Variants in DPH6 observed in about 807,000 individuals in gnomAD.
DPH6 encodes the protein diphthine--ammonia ligase.
DPH6 carries 33 observed loss-of-function variants against 38.2 expected under a neutral mutation model. The ratio of observed to expected loss-of-function variants is 0.86; its 90% confidence interval spans 0.65 to 1.15. The LOEUF (loss-of-function observed/expected upper bound fraction) is 1.15. DPH6 is among the 50% of genes most tolerant of loss of function. DPH6 has a pLI of 0.00. For synonymous variants in DPH6, 108 were observed against 103.0 expected, an observed-to-expected ratio of 1.05 and a Z score of -0.30; for missense variants, 325 against 320.0, an observed-to-expected ratio of 1.02 and a Z score of -0.12.
At chr15:35,152,563 G>A in the DPH6 span, among the ~76,000 whole-genome samples, 1 of 151,992 alleles carries the variant, frequency 6.6e-6, no homozygotes, top group South Asian at 2.1e-4. Flanking sequence ...GCAATAGTGC[G>A]ATCTCCGTTC....
chr15:35,401,096 C>A lies in DPH6; in HGVS notation c.567+9739G>T. On this transcript the variant is annotated intron_variant, in intron 6 of 8. Coordinates refer to ENST00000256538, the MANE Select transcript of DPH6 (RefSeq NM_080650.4). ...GAAAAATTGAAGAAAAGGGGCTTTG[C>A]CTTTGTAACCTTTGATGACCATGAC... is the stretch of plus-strand genomic sequence containing the variant. 6.7e-6 allele frequency: 6 copies of A among 897,006 alleles called. No homozygotes were observed. In the South Asian group the frequency reaches 7.8e-5, roughly 12 times the overall value. 55.6% of individuals were successfully genotyped at this position (897,006 alleles called of 1,614,324 possible). A position where few individuals can be genotyped will look rare whatever the true frequency, so the allele number is the denominator to read the frequency against.
chr15:35,237,132 T>C lies in DPH6; in HGVS notation n.201-16550A>G, dbSNP rs567982326. 4.4e-5 allele frequency: 26 copies of C among 587,598 alleles called. No homozygotes were observed. In the East Asian group the frequency reaches 6.3e-4, roughly 14 times the overall value. The allele number at this position is 587,598 out of a possible 1,614,324, so 36.4% of individuals were successfully genotyped here. On this transcript the variant is annotated intron_variant and non_coding_transcript_variant, in intron 3 of 3. Transcript: ENST00000560386. ...TACAATTTTACTTGATGGTAATCTTTACAAAAACCTCTCCCAGTTTCCTTA... is the reference window on the plus strand; with the variant it reads ...TACAATTTTACTTGATGGTAATCTTCACAAAAACCTCTCCCAGTTTCCTTA...
rs573146814 is a variant in DPH6 at position 35,262,562 on chromosome 15, T to C, written n.201-41980A>G. ...TCTACTAAAAATACAAAAAATTAGC[T>C]GGGCGTGGTGGCGGGCGCCTGTAGT... On this transcript the variant is annotated intron_variant and non_coding_transcript_variant, in intron 3 of 3. Transcript: ENST00000560386. Among the ~76,000 whole-genome samples the C allele has an allele frequency of 4.5e-4, 68 of 151,984 alleles. No homozygotes were observed. In the South Asian group the frequency reaches 5.8e-3, roughly 13 times the overall value.
At chr15:35,301,298 T>C (rs2052053113) in intron 3 of DPH6, among the ~76,000 whole-genome samples, 1 of 152,238 alleles carries the variant, frequency 6.6e-6, no homozygotes, top group South Asian at 2.1e-4. Flanking sequence ...ACCAGGACTG[T>C]GCAGACATAC....
chr15:35,294,893 G>C (rs1426530974), intron 3 of DPH6, among the ~76,000 whole-genome samples: 2 of 152,230 alleles, frequency 1.3e-5, no homozygotes, highest in Non-Finnish European at 2.9e-5. Flanking sequence ...CAGCTAGTTA[G>C]TCGGGAACAG....
At chr15:35,340,742 G>C (rs1048336046) in intron 3 of DPH6, among the ~76,000 whole-genome samples, 3 of 152,152 alleles carry the variant, frequency 2.0e-5, no homozygotes, top group African/African-American at 7.2e-5. Flanking sequence ...CTACTGAGAG[G>C]TCTGCTGTTA....
chr15:35,527,219 G>A (rs1253811113), intron 3 of DPH6, among the ~76,000 whole-genome samples: 4 of 152,002 alleles, frequency 2.6e-5, no homozygotes, highest in Non-Finnish European at 5.9e-5. Context: ...AGATTATTCT[G>A]GAAGCTAGAG....
chr15:35,447,073 G>A (rs182978098), intron 5 of DPH6, among the ~76,000 whole-genome samples: 77 of 152,076 alleles, frequency 5.1e-4, no homozygotes, highest in African/African-American at 1.8e-3. Flanking sequence ...GTTTCACCGT[G>A]TTAGACACAA....
chr15:35,185,045 T>G, the DPH6 span, among the ~76,000 whole-genome samples: 1 of 151,586 alleles, frequency 6.6e-6, no homozygotes, highest in Admixed American at 6.6e-5. Flanking sequence ...TGAAGATATA[T>G]ATGTAGAAAA....
At chr15:35,210,218 A>G in the DPH6 span, among the ~76,000 whole-genome samples, 4 of 152,206 alleles carry the variant, frequency 2.6e-5, no homozygotes, top group Admixed American at 2.6e-4. Flanking sequence ...ATAAGAAAAC[A>G]CTACTCTCTT....
At position 35,372,146 on chromosome 15, in the gene DPH6, C is replaced by T. The variant is rs950431728; in HGVS notation, c.*4G>A. The stretch of plus-strand genomic sequence containing the variant: ...GTTTAATGAACAATGTTCCAAAACA[C>T]TTTTCAAAAATTATATATATAATTA... On this transcript the variant is annotated 3_prime_UTR_variant, in exon 9 of 9. Coordinates refer to ENST00000256538, the MANE Select transcript of DPH6 (RefSeq NM_080650.4). The T allele has an allele frequency of 1.3e-6, 2 of 1,515,818 alleles. No individual in the cohort carries two copies. Among genetic ancestry groups the T allele is most frequent in the African/African-American group, 1.4e-5 (1 of 70,314 alleles). 93.9% of individuals were successfully genotyped at this position (1,515,818 alleles called of 1,614,324 possible).
rs112677320 is a variant in DPH6 at position 35,361,398 on chromosome 15, C to A, written n.207+12123G>T. 3.4e-3 allele frequency among the ~76,000 whole-genome samples: 517 copies of A among 152,244 alleles called. 2 individuals are homozygous for A. The highest frequency in any genetic ancestry group is 0.012 in the African/African-American group (478 of 41,526). On this transcript the variant is annotated intron_variant and non_coding_transcript_variant, in intron 3 of 3. Transcript: ENST00000558973. Reference sequence around the variant, plus strand: ...TTTCAACAGTTTGATTGTAATGTATCTAAGTGCAGGCCTTTTTAGGTTTGT... The same window carrying A: ...TTTCAACAGTTTGATTGTAATGTATATAAGTGCAGGCCTTTTTAGGTTTGT...
intron 6 of DPH6, among the ~76,000 whole-genome samples, chr15:35,400,044 T>A (rs2053196642): frequency 1.3e-5 from 2 of 152,172 alleles, no homozygotes; most frequent in Non-Finnish European, 2.9e-5. Context: ...CTGGTTCAGA[T>A]TAGATCAAGT....
the DPH6 span, among the ~76,000 whole-genome samples, chr15:35,167,395 T>G: frequency 1.3e-5 from 2 of 151,740 alleles, no homozygotes; most frequent in Non-Finnish European, 2.9e-5. Flanking sequence ...TTGAAGAGAT[T>G]ATCAGTTGTT....
intron 5 of DPH6, among the ~76,000 whole-genome samples, chr15:35,426,039 T>G (rs2053566772): frequency 6.6e-6 from 1 of 151,382 alleles, no homozygotes; most frequent in Non-Finnish European, 1.5e-5. Flanking sequence ...GGTGGCTGTG[T>G]GACTACTGGT....
At chr15:35,239,366 G>C (rs1192560961) in intron 3 of DPH6, among the ~76,000 whole-genome samples, 1 of 143,386 alleles carries the variant, frequency 7.0e-6, no homozygotes. Context: ...TTTATCTGTG[G>C]ACCCCAAACT....
chr15:35,227,007 T>C (rs1353182043), intron 3 of DPH6, among the ~76,000 whole-genome samples: 1 of 152,074 alleles, frequency 6.6e-6, no homozygotes, highest in Non-Finnish European at 1.5e-5. Flanking sequence ...TTGTCACTTG[T>C]TATAGGTCTG....
At chr15:35,337,381 C>T (rs2052382072) in intron 3 of DPH6, among the ~76,000 whole-genome samples, 1 of 151,826 alleles carries the variant, frequency 6.6e-6, no homozygotes, top group Non-Finnish European at 1.5e-5. Context: ...TTCTTATACA[C>T]CAATAACAGA....
At chr15:35,210,166 A>T in the DPH6 span, among the ~76,000 whole-genome samples, 1 of 152,186 alleles carries the variant, frequency 6.6e-6, no homozygotes, top group Admixed American at 6.6e-5. Context: ...AAGATACAGG[A>T]CTTCTCCAAC....
Sources: allele counts gnomAD v4.1 joint callset (sites outside exome capture counted in the v4.1 genomes callset), GRCh38; gene constraint gnomAD v4.1.1; transcripts MANE v1.5; gene names NCBI Gene and HGNC (gene_info 2026-07-23, HGNC 2026-07-21).